The following PRRG1 variants were observed in gnomAD, a reference collection of about 807,000 sequenced individuals.
The protein encoded by PRRG1 is proline rich and Gla domain 1.
Under a neutral mutation model 11.8 loss-of-function variants are expected in PRRG1, and 5 were observed. That is an observed-to-expected ratio of 0.42 (90% CI 0.22 to 0.89). PRRG1 has a LOEUF of 0.89. Among genes scored for constraint, PRRG1 ranks in the 40% least tolerant of loss-of-function variants. The pLI, the probability that PRRG1 is intolerant of heterozygous loss-of-function variation, is 0.28. For synonymous variants in PRRG1, 66 were observed against 60.4 expected (o/e 1.09, Z -0.43); for missense variants, 155 against 166.1 (o/e 0.93, Z 0.37).
intron 1 of PRRG1, among the ~76,000 whole-genome samples, chrX:37,369,942 C>T (rs1174894832): frequency 9.1e-6 from 1 of 110,455 alleles, no homozygotes; most frequent in Non-Finnish European, 1.9e-5. Context: ...AACTGTGAGT[C>T]CATTAAACCT....
chrX:37,376,869 G>C (rs1601979811), intron 1 of PRRG1, among the ~76,000 whole-genome samples: 1 of 108,446 alleles, frequency 9.2e-6, no homozygotes. Flanking sequence ...ACTGAAATTT[G>C]AGTAGCTTTT....
intron 1 of PRRG1, among the ~76,000 whole-genome samples, chrX:37,351,531 A>G (rs1213550694): frequency 8.9e-6 from 1 of 111,842 alleles, no homozygotes; most frequent in Non-Finnish European, 1.9e-5. Flanking sequence ...GAAAAAAAAG[A>G]TAGTAATTCA....
intron 3 of PRRG1, chrX:37,441,916 G>A (rs1353727984): frequency 1.7e-5 from 13 of 768,814 alleles, no homozygotes; most frequent in East Asian, 2.7e-4. Context: ...CCAGCTATGC[G>A]ACTTCCTGGA....
intron 1 of PRRG1, among the ~76,000 whole-genome samples, chrX:37,399,701 G>A (rs1325727404): frequency 9.6e-6 from 1 of 104,462 alleles, no homozygotes; most frequent in Non-Finnish European, 2.0e-5. Context: ...TGGATAAAGA[G>A]TCAAGACCCA....
intron 1 of PRRG1, among the ~76,000 whole-genome samples, chrX:37,351,849 T>C (rs1930077824): frequency 8.9e-6 from 1 of 112,743 alleles, no homozygotes. Context: ...TGAATCAGGT[T>C]GCCAGATGGT....
chrX:37,364,631 A>G (rs1346801078), intron 1 of PRRG1, among the ~76,000 whole-genome samples: 2 of 111,717 alleles, frequency 1.8e-5, no homozygotes, highest in Non-Finnish European at 3.8e-5. Context: ...TAGCTGGATA[A>G]TAGGCCACAA....
chrX:37,403,910 G>C, intron 1 of PRRG1: 1 of 306,171 alleles, frequency 3.3e-6, no homozygotes, highest in Non-Finnish European at 4.3e-6. Context: ...TGAAACGCTC[G>C]GTGAGGTGGC....
rs781797990 is a variant in PRRG1, at chrX:37,453,184, C to G, written c.220C>G (p.Arg74Gly). Residue 74 changes from arginine to glycine, a missense_variant, in exon 4 of 4, where the codon CGA becomes GGA. Physicochemically the swap from Arg to Gly is moderately radical, Grantham distance 125 (BLOSUM62 -2). Coordinates refer to ENST00000378628, the MANE Select transcript of PRRG1 (RefSeq NM_001142395.2). ...AAAAGCGCAACAAGGGGAGAGTAAC[C>G]GAGGAAGTGACTGGTTTCAGTTTTA... ...YTKAQQGESN[R>G]GSDWFQFYLT... 61 of 1,206,262 alleles carry G rather than the reference C, an allele frequency of 5.1e-5. No individual in the cohort carries two copies. The highest frequency in any genetic ancestry group is 6.4e-5 in the Non-Finnish European group (57 of 892,448).
chrX:37,421,496 A>G (rs781810277), intron 2 of PRRG1, among the ~76,000 whole-genome samples: 2 of 111,719 alleles, frequency 1.8e-5, no homozygotes, highest in East Asian at 5.6e-4. Context: ...GGAAGTGATC[A>G]CTCAATTTAA....
chrX:37,385,807 C>A (rs1931307405), intron 1 of PRRG1, among the ~76,000 whole-genome samples: 1 of 108,761 alleles, frequency 9.2e-6, no homozygotes, highest in African/African-American at 3.4e-5. Context: ...GTCGTCCAGG[C>A]TGGAGTGCAG....
At chrX:37,442,053 C>T (rs781868135) in intron 3 of PRRG1, 98 of 769,515 alleles carry the variant, frequency 1.3e-4, no homozygotes, top group Admixed American at 9.4e-4. Flanking sequence ...TCACCCTGGG[C>T]GGCAGCGAGG....
In PRRG1 at chrX:37,450,992, TTTTTGTTTTG is replaced by T. The variant is rs560769877; in HGVS notation, c.172-2111_172-2102del. On this transcript the variant is annotated intron_variant, in intron 3 of 3. Coordinates refer to ENST00000378628, the MANE Select transcript of PRRG1 (RefSeq NM_001142395.2). ...AAGTGATTCGTTTTCATTTTTGCTG[TTTTTGTTTTG>T]TTTTGTTTTGTTTTGTTTTGTTTTG... 4.1e-4 allele frequency among the ~76,000 whole-genome samples: 44 copies of T among 106,537 alleles called. 1 individual carries two copies. The highest frequency in any genetic ancestry group is 1.1e-3 in the East Asian group (4 of 3,534). The allele number at this position is 106,537 out of a possible 115,157, so 92.5% of individuals were successfully genotyped here.
rs146118943 is a variant in PRRG1 at position 37,438,255 on chromosome X, G to A, written c.171+12255G>A. On this transcript the variant is annotated intron_variant, in intron 3 of 3. Transcript: ENST00000378628. Reference sequence around the variant, plus strand: ...TAAAAAGTATAAATAATTATGGGTGGTGAAAAAATATAGCTACTTTGATAA... The same window carrying A: ...TAAAAAGTATAAATAATTATGGGTGATGAAAAAATATAGCTACTTTGATAA... Among the ~76,000 whole-genome samples the A allele has an allele frequency of 2.6e-3, 285 of 109,644 alleles. 1 individual carries two copies. The highest frequency in any genetic ancestry group is 3.6e-3 in the Admixed American group (37 of 10,269).
intron 2 of PRRG1, among the ~76,000 whole-genome samples, chrX:37,410,048 G>T (rs140493220): frequency 0.028 from 3,130 of 111,722 alleles, 105 homozygotes; most frequent in African/African-American, 0.095. Context: ...GAACAGCCTT[G>T]TATATTTAAT....
chrX:37,448,742 T>C (rs782134156), intron 3 of PRRG1, among the ~76,000 whole-genome samples: 1 of 111,774 alleles, frequency 8.9e-6, no homozygotes, highest in Non-Finnish European at 1.9e-5. Flanking sequence ...CATCTTCTAC[T>C]GACAGTTTTC....
intron 3 of PRRG1, among the ~76,000 whole-genome samples, chrX:37,452,819 A>G (rs1921193621): frequency 1.8e-5 from 2 of 112,347 alleles, no homozygotes; most frequent in South Asian, 7.4e-4. Flanking sequence ...ATTATTTGGT[A>G]TAGTTAGTAA....
chrX:37,382,887 C>CAA (rs5902136), intron 1 of PRRG1, among the ~76,000 whole-genome samples: 12,865 of 110,926 alleles, frequency 0.12, 580 homozygotes, highest in South Asian at 0.16. Context: ...AGCTCATTTT[C>CAA]TAGTTTGTGG....
chrX:37,414,727 G>A (rs1351752177), intron 2 of PRRG1, among the ~76,000 whole-genome samples: 1 of 112,839 alleles, frequency 8.9e-6, no homozygotes, highest in Non-Finnish European at 1.9e-5. Flanking sequence ...GACTCTCAAA[G>A]ATCTCTTTCA....
At chrX:37,441,623 T>A in intron 3 of PRRG1, 1 of 799,335 alleles carries the variant, frequency 1.3e-6, no homozygotes, top group Non-Finnish European at 1.5e-6. Context: ...GCTTCCTACG[T>A]GTACCTGTCC....
Sources: gnomAD v4.1 joint callset for allele counts (sites outside exome capture counted in the v4.1 genomes callset) on GRCh38, gnomAD v4.1.1 for gene constraint, MANE v1.5 for transcripts, NCBI Gene and HGNC (gene_info 2026-07-23, HGNC 2026-07-21) for gene names.